MEGF11: variants seen among roughly 807,000 people sequenced by gnomAD.
MEGF11 encodes the protein multiple epidermal growth factor-like domains protein 11.
In MEGF11, 126 loss-of-function variants were observed where a neutral mutation model predicts 146.6. The ratio of observed to expected loss-of-function variants is 0.86; its 90% confidence interval spans 0.74 to 1.00. The LOEUF is 1.00. Among genes scored for constraint, MEGF11 ranks in the 50% least tolerant of loss-of-function variants. The probability of loss-of-function intolerance (pLI) is 0.00; values close to 1 mark genes in which losing one functional copy is unlikely to be tolerated. For synonymous variants in MEGF11, 532 were observed against 583.4 expected, an observed-to-expected ratio of 0.91 and a Z score of 1.27; for missense variants, 1,509 against 1,521.2, an observed-to-expected ratio of 0.99 and a Z score of 0.13.
intron 4 of MEGF11, among the ~76,000 whole-genome samples, chr15:66,108,925 G>A (rs1198187178): frequency 1.3e-5 from 2 of 152,218 alleles, no homozygotes; most frequent in African/African-American, 4.8e-5. Flanking sequence ...TTACATAAAT[G>A]CCTGACTGCT....
At chr15:66,083,208 C>A (rs1044699788) in intron 5 of MEGF11, among the ~76,000 whole-genome samples, 2 of 152,206 alleles carry the variant, frequency 1.3e-5, no homozygotes, top group African/African-American at 4.8e-5. Flanking sequence ...TCCCCAGGAG[C>A]ACAATCATTT....
At chr15:66,065,830 G>A (rs754303433) in intron 5 of MEGF11, among the ~76,000 whole-genome samples, 5 of 152,148 alleles carry the variant, frequency 3.3e-5, no homozygotes, top group Admixed American at 2.6e-4. Flanking sequence ...AGGAGGGCCC[G>A]GCGAAGTGGG....
chr15:66,081,471 C>T (rs748257828), intron 5 of MEGF11, among the ~76,000 whole-genome samples: 11 of 152,174 alleles, frequency 7.2e-5, no homozygotes, highest in Non-Finnish European at 1.5e-4. Context: ...CTCCGCCTCC[C>T]GGGTTCAAGC....
At position 65,957,586 on chromosome 15, in the gene MEGF11, G is replaced by A; in HGVS notation, c.1248C>T (p.His416=). The part of the protein sequence containing the change: ...PCTCQNGADC[H]SITGGCTCAP... ...CACAAGTGCAGCCCCCAGTGATGCT[G>A]TGGCAGTCGGCGCCATTCTGACAGG... The change falls in exon 10 of 26, where the codon CAC becomes CAT. Residue 416 remains histidine, a synonymous_variant. Coordinates refer to ENST00000395614, the MANE Select transcript of MEGF11 (RefSeq NM_001385028.1). 1 of 1,613,902 alleles carries A rather than the reference G, an allele frequency of 6.2e-7. No homozygotes were observed. The highest frequency in any genetic ancestry group is 8.5e-7 in the Non-Finnish European group (1 of 1,179,858).
chr15:66,001,813 G>C (rs2141837145), intron 5 of MEGF11, among the ~76,000 whole-genome samples: 1 of 152,134 alleles, frequency 6.6e-6, no homozygotes. Flanking sequence ...CGAAGTGTGG[G>C]GTTTTCTTTT....
chr15:66,243,178 C>T (rs1344533055), intron 1 of MEGF11, among the ~76,000 whole-genome samples: 1 of 152,224 alleles, frequency 6.6e-6, no homozygotes, highest in East Asian at 1.9e-4. Context: ...CCCATTTGCC[C>T]CTGAGAGGCC....
intron 5 of MEGF11, among the ~76,000 whole-genome samples, chr15:66,078,880 A>T (rs186902507): frequency 2.0e-5 from 3 of 152,320 alleles, no homozygotes; most frequent in Admixed American, 2.0e-4. Context: ...CTCAGGGAGC[A>T]GATGGCAGGA....
chr15:66,227,564 A>G (rs988776329), intron 1 of MEGF11, among the ~76,000 whole-genome samples: 2 of 152,050 alleles, frequency 1.3e-5, no homozygotes, highest in African/African-American at 4.8e-5. Context: ...CCACTTCTCT[A>G]TGCCCACCAC....
chr15:66,224,297 G>A (rs1198993375), intron 1 of MEGF11, among the ~76,000 whole-genome samples: 1 of 152,092 alleles, frequency 6.6e-6, no homozygotes, highest in African/African-American at 2.4e-5. Context: ...GTATCTGGCC[G>A]AGCACAGTGG....
At chr15:66,026,002 C>G (rs1255475273) in intron 5 of MEGF11, among the ~76,000 whole-genome samples, 1 of 152,210 alleles carries the variant, frequency 6.6e-6, no homozygotes. Flanking sequence ...CTAGTGGCTC[C>G]TCACCTTAGC....
At chr15:66,112,294 C>T (rs758993365) in intron 4 of MEGF11, among the ~76,000 whole-genome samples, 2 of 151,948 alleles carry the variant, frequency 1.3e-5, no homozygotes, top group South Asian at 2.1e-4. Flanking sequence ...GAATAGGACA[C>T]GACAGAAAAA....
At position 66,035,075 on chromosome 15, in the gene MEGF11, G is replaced by A. The variant is rs528608499; in HGVS notation, c.395-52587C>T. Among the ~76,000 whole-genome samples the A allele has an allele frequency of 1.2e-4, 18 of 152,130 alleles. 1 individual carries two copies. Among genetic ancestry groups the A allele is most frequent in the South Asian group, 4.2e-4 (2 of 4,818 alleles). ...AAATCCTTTTCTTTATTAATTACCCGGTCTGTGGCATTCTGTTATAGCAAC... is the reference window on the plus strand; with the variant it reads ...AAATCCTTTTCTTTATTAATTACCCAGTCTGTGGCATTCTGTTATAGCAAC... On this transcript the variant is annotated intron_variant, in intron 5 of 25. Transcript: ENST00000395614.
chr15:65,973,030 T>A (rs1367282787), intron 7 of MEGF11, among the ~76,000 whole-genome samples: 1 of 150,954 alleles, frequency 6.6e-6, no homozygotes, highest in East Asian at 1.9e-4. Context: ...GGCAGGAGAA[T>A]CGCTTGAACC....
intron 5 of MEGF11, among the ~76,000 whole-genome samples, chr15:66,039,794 G>C (rs1169513480): frequency 8.0e-6 from 1 of 124,472 alleles, no homozygotes; most frequent in African/African-American, 2.9e-5. Flanking sequence ...AGCCGGGTCA[G>C]GCGGCGGTGG....
chr15:66,238,423 G>A (rs1471726627), intron 1 of MEGF11, among the ~76,000 whole-genome samples: 1 of 152,196 alleles, frequency 6.6e-6, no homozygotes, highest in Non-Finnish European at 1.5e-5. Context: ...CTTTCAATGA[G>A]GAGACAGGGA....
intron 1 of MEGF11, among the ~76,000 whole-genome samples, chr15:66,184,984 C>G (rs2090657495): frequency 6.6e-6 from 1 of 152,088 alleles, no homozygotes. Context: ...CCCATGCAGC[C>G]CCCTACACAA....
intron 5 of MEGF11, among the ~76,000 whole-genome samples, chr15:66,029,265 G>A (rs2083438800): frequency 6.6e-6 from 1 of 152,152 alleles, no homozygotes; most frequent in South Asian, 2.1e-4. Context: ...TTGAGCCAGG[G>A]AGGGGTGCAG....
intron 5 of MEGF11, among the ~76,000 whole-genome samples, chr15:65,993,820 C>T (rs970522221): frequency 1.3e-5 from 2 of 152,244 alleles, no homozygotes; most frequent in Non-Finnish European, 2.9e-5. Context: ...ACCATTTCCC[C>T]ATCATTCCCC....
At chr15:66,151,636 C>G (rs1337391277) in intron 1 of MEGF11, among the ~76,000 whole-genome samples, 1 of 152,198 alleles carries the variant, frequency 6.6e-6, no homozygotes, top group Non-Finnish European at 1.5e-5. Context: ...CTTCCTGCTT[C>G]CTAGAGCAAA....
Sources: gnomAD v4.1 joint callset for allele counts (sites outside exome capture counted in the v4.1 genomes callset) on GRCh38, gnomAD v4.1.1 for gene constraint, MANE v1.5 for transcripts, NCBI Gene and HGNC (gene_info 2026-07-23, HGNC 2026-07-21) for gene names.